RSPH3: variants seen among roughly 807,000 people sequenced by gnomAD.
RSPH3 encodes radial spoke head 3.
In RSPH3, 21 loss-of-function variants were observed where a neutral mutation model predicts 43.8. The ratio of observed to expected loss-of-function variants is 0.48; its 90% confidence interval spans 0.34 to 0.69. The LOEUF is 0.69. Ranked by LOEUF, RSPH3 falls within the 30% of genes least tolerant of loss-of-function variation. The pLI is 0.01. For missense variants in RSPH3, 487 were observed against 516.0 expected (o/e 0.94, Z 0.54); for synonymous variants, 173 against 179.8 (o/e 0.96, Z 0.30).
chr6:158,993,407 C>T (rs181820158), intron 2 of RSPH3, among the ~76,000 whole-genome samples: 4,110 of 150,272 alleles, frequency 0.027, 62 homozygotes, highest in Middle Eastern at 0.042. Flanking sequence ...TGAGCCACCG[C>T]GCCCGGCCAA....
chr6:158,985,621 G>T (rs971594247), intron 3 of RSPH3, among the ~76,000 whole-genome samples: 3 of 151,926 alleles, frequency 2.0e-5, no homozygotes, highest in African/African-American at 7.3e-5. Flanking sequence ...TTGTAGAGAT[G>T]GCGTCTTTGG....
At chr6:158,991,335 T>C (rs1182317961) in intron 2 of RSPH3, among the ~76,000 whole-genome samples, 4 of 152,288 alleles carry the variant, frequency 2.6e-5, no homozygotes, top group Admixed American at 2.6e-4. Context: ...TCTATTTAAT[T>C]TTTCAGTAGG....
In RSPH3 at chr6:158,986,363, A is replaced by G; in HGVS notation, c.263T>C (p.Leu88Pro). The G allele has an allele frequency of 6.2e-7, 1 of 1,614,168 alleles. No individual in the cohort carries two copies. Among genetic ancestry groups the G allele is most frequent in the Middle Eastern group, 1.6e-4 (1 of 6,062 alleles). Reference protein sequence around the residue: ...QRQREARKRALARKQAQEQLR... With the variant: ...QRQREARKRAPARKQAQEQLR... ...CTGCTCTTGGGCTTGTTTTCTGGCA[A>G]GAGCCCTCTTCCTAGCCTCCCGTTG... Residue 88 changes from leucine to proline, a missense_variant, in exon 3 of 8, where the codon CTT (leucine) becomes CCT (proline). Transcript: ENST00000367069.
chr6:158,992,198 C>T (rs1046339437), intron 2 of RSPH3, among the ~76,000 whole-genome samples: 2 of 151,792 alleles, frequency 1.3e-5, no homozygotes, highest in East Asian at 1.9e-4. Context: ...TTTTTAATCA[C>T]GTATTTCTTG....
chr6:158,970,544 T>A (rs1179537379), downstream of RSPH3, among the ~76,000 whole-genome samples: 2 of 149,912 alleles, frequency 1.3e-5, no homozygotes, highest in East Asian at 4.3e-4. Context: ...GTCAAAGCTT[T>A]TCTTTTTTTT....
intron 4 of RSPH3, among the ~76,000 whole-genome samples, chr6:158,983,124 A>C (rs1405663731): frequency 6.6e-6 from 1 of 152,202 alleles, no homozygotes; most frequent in African/African-American, 2.4e-5. Context: ...TTTCAATGAC[A>C]GTTCTTTCAA....
intron 4 of RSPH3, 69 bp downstream of exon 4, chr6:158,983,593 G>T: frequency 8.8e-7 from 1 of 1,130,984 alleles, no homozygotes; most frequent in Non-Finnish European, 1.4e-6. Context: ...CTCATATTAA[G>T]CATTATCTAC....
At chr6:158,981,836 A>G (rs1562560376) in intron 5 of RSPH3, among the ~76,000 whole-genome samples, 2 of 152,208 alleles carry the variant, frequency 1.3e-5, no homozygotes, top group African/African-American at 4.8e-5. Context: ...GTTCATCAGT[A>G]TACAACAAAG....
In RSPH3 at chr6:158,977,915, G is replaced by A; in HGVS notation, c.947-67C>T. 3.0e-6 allele frequency: 4 copies of A among 1,339,170 alleles called. No individual in the cohort carries two copies. In the East Asian group the frequency reaches 9.2e-5, roughly 31 times the overall value. The allele number at this position is 1,339,170 out of a possible 1,614,324, so 83.0% of individuals were successfully genotyped here. On this transcript the variant is annotated intron_variant, in intron 7 of 7. Transcript: ENST00000367069. The stretch of plus-strand genomic sequence containing the variant: ...TATGGTATATTTCAGGAGTTATAAT[G>A]CTCACTTATAGATGATTACAAAAAC...
At chr6:158,980,046 T>C (rs1162329476) in intron 6 of RSPH3, among the ~76,000 whole-genome samples, 1 of 152,216 alleles carries the variant, frequency 6.6e-6, no homozygotes, top group Non-Finnish European at 1.5e-5. Flanking sequence ...TTTGAATAAG[T>C]CAGCTGAGAA....
Position 158,974,170 on chromosome 6 carries a change from C to T in RSPH3, c.*3368G>A, listed in dbSNP as rs1486889593. On this transcript the variant is annotated 3_prime_UTR_variant, in exon 8 of 8. Transcript: ENST00000367069. ...TTTATTATTATTTAGCTTCTGTTAACTCAGTGTTAGCTGAAACATCAGAAA... is the reference window on the plus strand; with the variant it reads ...TTTATTATTATTTAGCTTCTGTTAATTCAGTGTTAGCTGAAACATCAGAAA... 1 of 152,210 alleles carries T rather than the reference C, an allele frequency of 6.6e-6. No individual in the cohort carries two copies. Among genetic ancestry groups the T allele is most frequent in the Non-Finnish European group, 1.5e-5 (1 of 68,044 alleles). 9.4% of individuals were successfully genotyped at this position (152,210 alleles called of 1,614,324 possible). A position where few individuals can be genotyped will look rare whatever the true frequency, so the allele number is the denominator to read the frequency against.
intron 7 of RSPH3, 33 bp from the exon 8 acceptor site, chr6:158,977,881 T>G: frequency 6.5e-7 from 1 of 1,527,512 alleles, no homozygotes; most frequent in Non-Finnish European, 8.9e-7. Flanking sequence ...ATCACTATGA[T>G]TTTCATATTA....
chr6:158,984,438 A>T (rs1347294801), intron 3 of RSPH3, among the ~76,000 whole-genome samples: 1 of 42,172 alleles, frequency 2.4e-5, no homozygotes, highest in Admixed American at 2.1e-4. Context: ...AGTCAATTAT[A>T]TATATATATA....
chr6:158,985,816 C>CT (rs1192708843), intron 3 of RSPH3, among the ~76,000 whole-genome samples: 249 of 127,386 alleles, frequency 2.0e-3, no homozygotes, highest in Middle Eastern at 0.012. Context: ...CTCTCTCTCT[C>CT]TTTTTTTTTT....
the RSPH3 span, among the ~76,000 whole-genome samples, chr6:158,965,330 G>C: frequency 2.0e-5 from 3 of 152,036 alleles, no homozygotes; most frequent in Non-Finnish European, 4.4e-5. Flanking sequence ...AGTCTGTTGG[G>C]ATTTTGATTG....
downstream of RSPH3, among the ~76,000 whole-genome samples, chr6:158,968,264 T>C (rs1777653154): frequency 6.6e-6 from 1 of 152,196 alleles, no homozygotes; most frequent in Non-Finnish European, 1.5e-5. Context: ...AGATGGAGTC[T>C]CACTCTGTTG....
At chr6:158,984,464 ATATATATAT>A (rs1202556566) in intron 3 of RSPH3, among the ~76,000 whole-genome samples, 2 of 132,762 alleles carry the variant, frequency 1.5e-5, no homozygotes, top group African/African-American at 6.1e-5. Context: ...ATATATATAT[ATATATATAT>A]ATTTGAGTCC....
rs1778008422 is a variant in RSPH3, at chr6:158,980,840, C to T, written c.793G>A (p.Asp265Asn). ...ARAFAQRYLADLLPSVFGSLR... is the reference protein window; with the variant it reads ...ARAFAQRYLANLLPSVFGSLR... The stretch of plus-strand genomic sequence containing the variant: ...CTGCCAAAAACAGACGGGAGAAGGT[C>T]AGCCAGGTAACGCTGTGCAAATGCT... Residue 265 changes from aspartate (D) to asparagine (N), a missense_variant, in exon 6 of 8, where the codon GAC (aspartate) becomes AAC (asparagine). Transcript: ENST00000367069. 1.9e-6 allele frequency: 3 copies of T among 1,614,138 alleles called. No individual in the cohort carries two copies. In the East Asian group the frequency reaches 6.7e-5, roughly 36 times the overall value.
intron 1 of RSPH3, 72 bp downstream of exon 1, chr6:158,999,363 C>G: frequency 7.3e-7 from 1 of 1,375,288 alleles, no homozygotes; most frequent in Non-Finnish European, 9.6e-7. Context: ...TTTGCCAGGG[C>G]GAAGGGGCCA....
Sources: allele counts gnomAD v4.1 joint callset (sites outside exome capture counted in the v4.1 genomes callset), GRCh38; gene constraint gnomAD v4.1.1; transcripts MANE v1.5; gene names NCBI Gene and HGNC (gene_info 2026-07-23, HGNC 2026-07-21).